Variants in PSMB3 observed in about 807,000 individuals in gnomAD.
PSMB3 encodes the protein proteasome subunit beta type-3.
Under a neutral mutation model 23.3 loss-of-function variants are expected in PSMB3, and 5 were observed. That is an observed-to-expected ratio of 0.21 (90% CI 0.11 to 0.45). PSMB3 has a LOEUF of 0.45. PSMB3 is among the 20% of genes least tolerant of loss of function. The pLI is 0.99. For synonymous variants in PSMB3, 85 were observed against 99.8 expected (o/e 0.85, Z 0.88); for missense variants, 192 against 277.9 (o/e 0.69, Z 2.20).
At chr17:38,761,435 G>A (rs1908437919) in intron 4 of PSMB3, among the ~76,000 whole-genome samples, 1 of 151,942 alleles carries the variant, frequency 6.6e-6, no homozygotes. Context: ...GAGAAGAGAT[G>A]AGATAGTGCT....
intron 3 of PSMB3, among the ~76,000 whole-genome samples, chr17:38,759,196 A>G (rs1032563015): frequency 1.3e-5 from 2 of 152,236 alleles, no homozygotes; most frequent in African/African-American, 4.8e-5. Flanking sequence ...AGTTTAAAAT[A>G]TTGTAAGTTG....
intron 2 of PSMB3, among the ~76,000 whole-genome samples, chr17:38,755,676 A>ATGTGTGTGTGTGTG (rs1377200061): frequency 5.8e-4 from 62 of 107,776 alleles, no homozygotes; most frequent in South Asian, 2.0e-3. Context: ...ATATATATAT[A>ATGTGTGTGTGTGTG]TATATATGTG....
rs1269905599 is a variant in PSMB3 at position 38,755,676 on chromosome 17, ATATATATGTG to A, written c.189-205_189-196del. Among the ~76,000 whole-genome samples, 242 of 107,780 alleles carry A rather than the reference ATATATATGTG, an allele frequency of 2.2e-3. 2 individuals carry two copies. Among genetic ancestry groups the A allele is most frequent in the African/African-American group, 8.2e-3 (232 of 28,126 alleles). The allele number at this position is 107,780 out of a possible 152,430, so 70.7% of individuals were successfully genotyped here. Reference sequence around the variant, plus strand: ...AAAAAAAAAATATATATATATATATATATATATGTGTGTGTGTGTGTGTGTGTGTGTGTGT... The same window carrying A: ...AAAAAAAAAATATATATATATATATATGTGTGTGTGTGTGTGTGTGTGTGT... On this transcript the variant is annotated intron_variant, in intron 2 of 5. Transcript: ENST00000619426.
intron 2 of PSMB3, among the ~76,000 whole-genome samples, 168 bp from the exon 3 acceptor site, chr17:38,755,715 T>TGCAC (rs58013738): frequency 7.2e-6 from 1 of 138,436 alleles, no homozygotes; most frequent in Non-Finnish European, 1.5e-5. Context: ...TGTGTGTGTG[T>TGCAC]GCTGCCAAAG....
In PSMB3 at chr17:38,752,809, T is replaced by C; in HGVS notation, c.-18T>C. The C allele has an allele frequency of 6.2e-7, 1 of 1,613,836 alleles. No homozygotes were observed. Among genetic ancestry groups the C allele is most frequent in the Non-Finnish European group, 8.5e-7 (1 of 1,179,952 alleles). ...TGGAATTGCTCTGGCGATCGAGGGATCCTAGTACACCGCAATCATGGTGAG... is the reference window on the plus strand; with the variant it reads ...TGGAATTGCTCTGGCGATCGAGGGACCCTAGTACACCGCAATCATGGTGAG... On this transcript the variant is annotated 5_prime_UTR_variant, in exon 1 of 6. Coordinates refer to ENST00000619426, the MANE Select transcript of PSMB3 (RefSeq NM_002795.4). The surrounding 1 kb of genome is among the most constrained non-coding windows in gnomAD (Gnocchi z 5.5).
Position 38,755,944 on chromosome 17 carries a change from C to T in PSMB3, c.250C>T (p.Pro84Ser). 6.2e-7 allele frequency: 1 copy of T among 1,614,118 alleles called. No homozygotes were observed. The highest frequency in any genetic ancestry group is 8.5e-7 in the Non-Finnish European group (1 of 1,180,028). ...GTTGAAGGAAGGTCGGCAGATCAAA[C>T]CTTATACCCTCATGAGCATGGTGGC... ...YELKEGRQIK[P>S]YTLMSMVANL... Residue 84 changes from proline (P) to serine (S), a missense_variant, in exon 3 of 6, where the codon CCT becomes TCT. Coordinates refer to ENST00000619426, the MANE Select transcript of PSMB3 (RefSeq NM_002795.4).
intron 3 of PSMB3, among the ~76,000 whole-genome samples, chr17:38,759,349 C>T (rs1908338582): frequency 6.6e-6 from 1 of 152,148 alleles, no homozygotes; most frequent in Admixed American, 6.5e-5. Flanking sequence ...TGTCACTGCC[C>T]AGCATCAGGA....
At position 38,752,978 on chromosome 17, in the gene PSMB3, G is replaced by C; in HGVS notation, c.3+149G>C. The stretch of plus-strand genomic sequence containing the variant: ...GCGGGCCCCGGTGAGGACCAAGAGG[G>C]TGAGTGCGGCTCATTGCCGCCACAC... On this transcript the variant is annotated intron_variant, in intron 1 of 5. Transcript: ENST00000619426. This position sits in a 1 kb window ranked among gnomAD's most constrained non-coding sequence, Gnocchi z 5.5. The C allele has an allele frequency of 1.5e-6, 2 of 1,338,126 alleles. No homozygotes were observed. The highest frequency in any genetic ancestry group is 2.1e-6 in the Non-Finnish European group (2 of 969,026). 82.9% of individuals were successfully genotyped at this position (1,338,126 alleles called of 1,614,324 possible). A position where few individuals can be genotyped will look rare whatever the true frequency, so the allele number is the denominator to read the frequency against.
At chr17:38,755,347 T>C (rs564378411) in intron 2 of PSMB3, 1 of 152,030 alleles carries the variant, frequency 6.6e-6, no homozygotes, top group South Asian at 2.1e-4. Context: ...TATTCCAGTT[T>C]TAATATATGT....
chr17:38,762,646 A>G lies in PSMB3; in HGVS notation c.569+141A>G, dbSNP rs75537259. 1,715 of 712,510 alleles carry G rather than the reference A, an allele frequency of 2.4e-3. 16 individuals carry two copies. In the African/African-American group the frequency reaches 0.025, roughly 10 times the overall value. 44.1% of individuals were successfully genotyped at this position (712,510 alleles called of 1,614,324 possible). On this transcript the variant is annotated intron_variant, in intron 5 of 5. Coordinates refer to ENST00000619426, the MANE Select transcript of PSMB3 (RefSeq NM_002795.4). ...TGCTTTTGGCAGTCCTGGGTGAGCA[A>G]AAGTCCATGCCTCCCTATGGCTGGT...
chr17:38,763,424 T>G (rs1375952080), intron 5 of PSMB3, among the ~76,000 whole-genome samples: 1 of 151,840 alleles, frequency 6.6e-6, no homozygotes, highest in Non-Finnish European at 1.5e-5. Flanking sequence ...TTTTATGTTC[T>G]TTGGGGTGAA....
chr17:38,759,776 T>C (rs1908358264), intron 3 of PSMB3, among the ~76,000 whole-genome samples: 2 of 152,142 alleles, frequency 1.3e-5, no homozygotes, highest in South Asian at 4.1e-4. Context: ...CTCGATCTCC[T>C]GACCTGGTGA....
intron 3 of PSMB3, 47 bp from the exon 4 acceptor site, chr17:38,760,384 G>T (rs747298231): frequency 1.9e-6 from 3 of 1,593,850 alleles, no homozygotes; most frequent in Non-Finnish European, 2.6e-6. Flanking sequence ...ACATGAAAGC[G>T]AGCGTTCTTG....
chr17:38,757,901 A>G (rs1908274922), intron 3 of PSMB3, among the ~76,000 whole-genome samples: 1 of 151,772 alleles, frequency 6.6e-6, no homozygotes, highest in African/African-American at 2.4e-5. Flanking sequence ...TGATCCGCCC[A>G]CCTCAGCCTC....
intron 3 of PSMB3, among the ~76,000 whole-genome samples, chr17:38,758,016 A>G (rs953920161): frequency 6.6e-6 from 1 of 152,180 alleles, no homozygotes; most frequent in Non-Finnish European, 1.5e-5. Context: ...ACCAAATACT[A>G]TAACACAGCT....
intron 2 of PSMB3, among the ~76,000 whole-genome samples, chr17:38,754,580 T>G (rs980421429): frequency 2.0e-5 from 3 of 152,234 alleles, no homozygotes; most frequent in Non-Finnish European, 2.9e-5. Flanking sequence ...TGCCCTTTTT[T>G]CCTGTCTGGT....
In PSMB3 at chr17:38,760,433, T is replaced by G; in HGVS notation, c.299T>G (p.Phe100Cys). The G allele has an allele frequency of 6.2e-7, 1 of 1,613,950 alleles. No individual in the cohort carries two copies. The highest frequency in any genetic ancestry group is 8.5e-7 in the Non-Finnish European group (1 of 1,179,962). The change falls in exon 4 of 6, where the codon TTT (phenylalanine) becomes TGT (cysteine). Residue 100 changes from phenylalanine to cysteine, a missense_variant and splice_region_variant. Physicochemically the swap from Phe to Cys is radical, Grantham distance 205. Coordinates refer to ENST00000619426, the MANE Select transcript of PSMB3 (RefSeq NM_002795.4). ...MVANLLYEKR[F>C]GPYYTEPVIA... is the part of the protein sequence containing the mutation. ...CTCTCTGATGCTGGCCCCCACAGGTTTGGCCCTTACTACACTGAGCCAGTC... is the reference window on the plus strand; with the variant it reads ...CTCTCTGATGCTGGCCCCCACAGGTGTGGCCCTTACTACACTGAGCCAGTC...
intron 3 of PSMB3, among the ~76,000 whole-genome samples, chr17:38,756,722 C>A (rs1333407120): frequency 6.6e-6 from 1 of 152,126 alleles, no homozygotes; most frequent in African/African-American, 2.4e-5. Context: ...TCTCGAACTC[C>A]TGACCTCAGG....
intron 2 of PSMB3, among the ~76,000 whole-genome samples, chr17:38,755,059 C>T (rs1417019730): frequency 6.6e-6 from 1 of 151,148 alleles, no homozygotes; most frequent in Non-Finnish European, 1.5e-5. Context: ...ACTGCAACCT[C>T]CGCCTCCAAG....
Sources: allele counts gnomAD v4.1 joint callset (sites outside exome capture counted in the v4.1 genomes callset), GRCh38; gene constraint gnomAD v4.1.1; non-coding constraint Gnocchi (gnomAD v3.1); transcripts MANE v1.5; gene names NCBI Gene and HGNC (gene_info 2026-07-23, HGNC 2026-07-21).